The following PLXNA4 variants were observed in gnomAD, a reference collection of about 807,000 sequenced individuals.
PLXNA4 encodes plexin A4.
PLXNA4 carries 44 observed loss-of-function variants against 191.8 expected under a neutral mutation model. That is an observed-to-expected ratio of 0.23 (90% CI 0.18 to 0.29). The LOEUF (loss-of-function observed/expected upper bound fraction) is 0.29, where lower values mean the gene tolerates loss of function less well. PLXNA4 is among the 10% of genes least tolerant of loss of function. The pLI is 1.00. For missense variants in PLXNA4, 1,800 were observed against 2,488.8 expected, an observed-to-expected ratio of 0.72 and a Z score of 5.89; for synonymous variants, 1,082 against 1,009.5, an observed-to-expected ratio of 1.07 and a Z score of -1.36.
chr7:132,283,692 T>G (rs1800574240), intron 4 of PLXNA4, among the ~76,000 whole-genome samples: 1 of 152,174 alleles, frequency 6.6e-6, no homozygotes, highest in Non-Finnish European at 1.5e-5. Context: ...GAAAAGATAG[T>G]TAAGTCTTTC....
intron 21 of PLXNA4, among the ~76,000 whole-genome samples, chr7:132,170,888 G>A (rs2116678191): frequency 6.6e-6 from 1 of 152,354 alleles, no homozygotes; most frequent in Middle Eastern, 3.4e-3. Flanking sequence ...GTTCTCAGGA[G>A]ACAAATGGGA....
chr7:132,456,473 A>G (rs1288416474), intron 3 of PLXNA4, among the ~76,000 whole-genome samples: 2 of 152,130 alleles, frequency 1.3e-5, no homozygotes, highest in Non-Finnish European at 2.9e-5. Flanking sequence ...CCAATTTCCT[A>G]GAAGAGGCTG....
chr7:132,147,944 G>A lies in PLXNA4; in HGVS notation c.4820C>T (p.Ala1607Val). The change falls in exon 27 of 32, where the codon GCA becomes GTA. Residue 1607 changes from alanine to valine, a missense_variant. Ala to Val is a moderately conservative substitution (Grantham distance 64, BLOSUM62 0). This residue lies in a region of PLXNA4 where 214 missense variants were observed against 298.2 expected (regional missense o/e 0.72). Coordinates refer to ENST00000321063, the MANE Select transcript of PLXNA4 (RefSeq NM_020911.2). ...CCTGGAGACGGTGGAGTTGTTCACT[G>A]CGTTATAGGCTGTCACCTGCTTGGA... ...LVSKQVTAYN[A>V]VNNSTVSRTS... is the part of the protein sequence containing the mutation. The A allele has an allele frequency of 1.2e-6, 2 of 1,614,184 alleles. No individual in the cohort carries two copies. Among genetic ancestry groups the A allele is most frequent in the South Asian group, 1.1e-5 (1 of 91,084 alleles).
At chr7:132,301,608 G>T (rs542299184) in intron 3 of PLXNA4, among the ~76,000 whole-genome samples, 1 of 152,084 alleles carries the variant, frequency 6.6e-6, no homozygotes, top group Non-Finnish European at 1.5e-5. Context: ...TACACCAAAG[G>T]CTCACACTGA....
At chr7:132,609,142 T>C (rs1036862492) in intron 2 of PLXNA4, among the ~76,000 whole-genome samples, 3 of 152,202 alleles carry the variant, frequency 2.0e-5, no homozygotes, top group African/African-American at 7.2e-5. Context: ...ACCTTGATTA[T>C]AGCATTTTAC....
chr7:132,632,640 T>C lies in PLXNA4; in HGVS notation c.-87+13288A>G, dbSNP rs10271740. ...AAATAATTTGGGGGAGGGTAGATAATCACAAAATTGCCAAGTTTATATTTT... is the reference window on the plus strand; with the variant it reads ...AAATAATTTGGGGGAGGGTAGATAACCACAAAATTGCCAAGTTTATATTTT... On this transcript the variant is annotated intron_variant, in intron 2 of 4. Coordinates refer to the PLXNA4 transcript ENST00000378539. 3.3e-5 allele frequency among the ~76,000 whole-genome samples: 5 copies of C among 152,132 alleles called. No individual in the cohort carries two copies. In the South Asian group the frequency reaches 1.0e-3, roughly 32 times the overall value.
At chr7:132,277,295 T>C (rs1800317221) in intron 4 of PLXNA4, among the ~76,000 whole-genome samples, 1 of 152,214 alleles carries the variant, frequency 6.6e-6, no homozygotes, top group Admixed American at 6.5e-5. Flanking sequence ...AAGGGTCATT[T>C]CATGTAAGTT....
Position 132,159,656 on chromosome 7 carries a change from A to G in PLXNA4, c.4501-24T>C, listed in dbSNP as rs1408836361. On this transcript the variant is annotated intron_variant, in intron 24 of 31. Coordinates refer to ENST00000321063, the MANE Select transcript of PLXNA4 (RefSeq NM_020911.2). ...ACCTGAAGGAAAGGTGGGGAGAGGA[A>G]GCATATGAAATGGGGTAGCAGGAAA... The G allele has an allele frequency of 1.9e-6, 3 of 1,612,656 alleles. No homozygotes were observed. The Admixed American group carries it at 5.0e-5, about 27-fold the overall frequency.
At chr7:132,183,784 T>C (rs1177826404) in intron 16 of PLXNA4, among the ~76,000 whole-genome samples, 1 of 152,222 alleles carries the variant, frequency 6.6e-6, no homozygotes, top group Non-Finnish European at 1.5e-5. Flanking sequence ...GAGTAACTGC[T>C]GAGGACGGCC....
chr7:132,575,997 T>C (rs754085360), intron 1 of PLXNA4, among the ~76,000 whole-genome samples: 1 of 152,110 alleles, frequency 6.6e-6, no homozygotes, highest in African/African-American at 2.4e-5. Context: ...TGACACTGGG[T>C]AGGTCTCCGG....
chr7:132,188,087 T>C (rs1796938522), intron 14 of PLXNA4, among the ~76,000 whole-genome samples: 1 of 151,670 alleles, frequency 6.6e-6, no homozygotes. Flanking sequence ...CCTACAGCTC[T>C]GTTCTTGGGT....
At chr7:132,157,221 T>G (rs948020190) in intron 25 of PLXNA4, among the ~76,000 whole-genome samples, 1 of 152,208 alleles carries the variant, frequency 6.6e-6, no homozygotes, top group Admixed American at 6.5e-5. Flanking sequence ...AGCCTTTCTC[T>G]GGCTTGTGCA....
intron 4 of PLXNA4, among the ~76,000 whole-genome samples, chr7:132,274,920 ATCAAATT>A (rs1800215788): frequency 6.6e-6 from 1 of 151,996 alleles, no homozygotes; most frequent in Admixed American, 6.6e-5. Context: ...AGTGCATCAT[ATCAAATT>A]GTCATGATGT....
At chr7:132,217,684 A>G (rs1043072811) in intron 9 of PLXNA4, among the ~76,000 whole-genome samples, 2 of 152,074 alleles carry the variant, frequency 1.3e-5, no homozygotes, top group Non-Finnish European at 2.9e-5. Context: ...GCTGTTCCCC[A>G]AGTTTATAAT....
At chr7:132,472,040 G>A (rs1008627033) in intron 3 of PLXNA4, among the ~76,000 whole-genome samples, 1 of 152,156 alleles carries the variant, frequency 6.6e-6, no homozygotes, top group Non-Finnish European at 1.5e-5. Context: ...CTCGGAACTT[G>A]TACTCTGCAG....
intron 4 of PLXNA4, among the ~76,000 whole-genome samples, chr7:132,248,533 G>A (rs1799136487): frequency 6.6e-6 from 1 of 152,206 alleles, no homozygotes; most frequent in African/African-American, 2.4e-5. Context: ...AGGTTGCAGT[G>A]TGGTAGCTTC....
At position 132,168,621 on chromosome 7, in the gene PLXNA4, C is replaced by T. The variant is rs530776320; in HGVS notation, c.4018-49G>A. The T allele has an allele frequency of 8.1e-5, 123 of 1,525,242 alleles. 1 individual carries two copies. In the South Asian group the frequency reaches 1.4e-3, roughly 18 times the overall value. 94.5% of individuals were successfully genotyped at this position (1,525,242 alleles called of 1,614,324 possible). On this transcript the variant is annotated intron_variant, in intron 21 of 31. Transcript: ENST00000321063. Reference sequence around the variant, plus strand: ...GATGCCATTGGCAGGTTGGGGAGCTCAGTGACCTCCCCACGGGATGGCTGT... The same window carrying T: ...GATGCCATTGGCAGGTTGGGGAGCTTAGTGACCTCCCCACGGGATGGCTGT...
chr7:132,271,162 T>C (rs1800054535), intron 4 of PLXNA4: 1 of 152,094 alleles, frequency 6.6e-6, no homozygotes, highest in African/African-American at 2.4e-5. Context: ...AAGAGGGAAT[T>C]AGCCTAAATT....
At chr7:132,373,254 C>T (rs1185119975) in intron 3 of PLXNA4, among the ~76,000 whole-genome samples, 1 of 152,144 alleles carries the variant, frequency 6.6e-6, no homozygotes, top group Non-Finnish European at 1.5e-5. Flanking sequence ...TCACCTTTAG[C>T]CCCAGCAACC....
Sources: allele counts gnomAD v4.1 joint callset (sites outside exome capture counted in the v4.1 genomes callset), GRCh38; gene constraint gnomAD v4.1.1; regional missense constraint gnomAD v4.1.1; transcripts MANE v1.5; gene names NCBI Gene and HGNC (gene_info 2026-07-23, HGNC 2026-07-21).